The following SORCS2 variants were observed in gnomAD, a reference collection of about 807,000 sequenced individuals.
SORCS2 encodes VPS10 domain-containing receptor SorCS2.
SORCS2 carries 100 observed loss-of-function variants against 141.6 expected under a neutral mutation model. The ratio of observed to expected loss-of-function variants is 0.71; its 90% CI spans 0.60 to 0.83. SORCS2 has a LOEUF of 0.83. SORCS2 is among the 40% of genes least tolerant of loss of function. The pLI is 0.00. For synonymous variants in SORCS2, 789 were observed against 676.9 expected (o/e 1.17, Z -2.57); for missense variants, 1,646 against 1,560.2 (o/e 1.05, Z -0.93).
intron 1 of SORCS2, among the ~76,000 whole-genome samples, chr4:7,222,688 G>A (rs940895496): frequency 1.1e-4 from 17 of 152,152 alleles, no homozygotes; most frequent in African/African-American, 3.6e-4. Context: ...GGGAGGCCAC[G>A]TGCTGTGGTC....
intron 1 of SORCS2, among the ~76,000 whole-genome samples, chr4:7,294,780 TCCCCTCCCTCCTC>T (rs1716867619): frequency 1.5e-4 from 2 of 13,396 alleles, no homozygotes; most frequent in Non-Finnish European, 2.6e-4. Flanking sequence ...CCCCTCCCCC[TCCCCTCCCTCCTC>T]CCCTCCTCCT....
intron 2 of SORCS2, among the ~76,000 whole-genome samples, chr4:7,429,762 C>T (rs956302258): frequency 2.0e-5 from 3 of 152,180 alleles, no homozygotes; most frequent in Non-Finnish European, 2.9e-5. Context: ...TCGTGGGTCG[C>T]GGGTGTGAGG....
intron 3 of SORCS2, among the ~76,000 whole-genome samples, chr4:7,563,033 G>A (rs892390978): frequency 6.6e-6 from 1 of 152,170 alleles, no homozygotes; most frequent in Admixed American, 6.5e-5. Context: ...AACCCAATAT[G>A]CCATGCTTTA....
intron 1 of SORCS2, among the ~76,000 whole-genome samples, chr4:7,303,050 C>T (rs562624077): frequency 2.6e-5 from 4 of 152,248 alleles, no homozygotes; most frequent in South Asian, 2.1e-4. Flanking sequence ...AATGTTAATG[C>T]GGCCAGTGCT....
chr4:7,331,299 G>A (rs1458646079), intron 1 of SORCS2, among the ~76,000 whole-genome samples: 1 of 152,170 alleles, frequency 6.6e-6, no homozygotes, highest in Non-Finnish European at 1.5e-5. Context: ...GGGGTGGTTG[G>A]GGTGCAGGTC....
intron 1 of SORCS2, among the ~76,000 whole-genome samples, chr4:7,329,192 G>A (rs1719485763): frequency 2.0e-5 from 3 of 152,192 alleles, no homozygotes; most frequent in Non-Finnish European, 4.4e-5. Context: ...CTCAGTAGGG[G>A]CTCCGAATGG....
At chr4:7,301,694 A>G (rs1159139535) in intron 1 of SORCS2, among the ~76,000 whole-genome samples, 1 of 152,226 alleles carries the variant, frequency 6.6e-6, no homozygotes, top group Non-Finnish European at 1.5e-5. Context: ...TTGTGGCCCC[A>G]GCAGAAAATG....
chr4:7,640,326 A>T (rs1418205214), intron 4 of SORCS2, among the ~76,000 whole-genome samples: 2 of 130,804 alleles, frequency 1.5e-5, no homozygotes, highest in African/African-American at 3.0e-5. Context: ...GTGTATGAGC[A>T]TGTGTGGGTG....
intron 1 of SORCS2, among the ~76,000 whole-genome samples, chr4:7,290,327 A>G (rs1443840082): frequency 6.6e-6 from 1 of 152,164 alleles, no homozygotes; most frequent in Non-Finnish European, 1.5e-5. Flanking sequence ...TGTGGGCGCC[A>G]CTATCTGTAA....
In SORCS2 at chr4:7,409,602, G is replaced by A. The variant is rs143877785; in HGVS notation, c.548+13247G>A. On this transcript the variant is annotated intron_variant, in intron 2 of 26. Transcript: ENST00000507866. ...TCCCGCCAGAGAACCCAAGATGATG[G>A]GGAAGCTGGTTGTCCACCTCAATCC... Among the ~76,000 whole-genome samples, 872 of 152,288 alleles carry A rather than the reference G, an allele frequency of 5.7e-3. 6 individuals are homozygous for A. Among genetic ancestry groups the A allele is most frequent in the African/African-American group, 0.02 (824 of 41,558 alleles).
intron 1 of SORCS2, among the ~76,000 whole-genome samples, chr4:7,244,278 G>A (rs1712923104): frequency 6.6e-6 from 1 of 152,204 alleles, no homozygotes; most frequent in Admixed American, 6.5e-5. Context: ...TGGGGGGTGA[G>A]TTTCTCCAGC....
At chr4:7,525,928 A>ACACCTGTCTCCTCCTCAGT (rs1733663362) in intron 2 of SORCS2, among the ~76,000 whole-genome samples, 1 of 11,152 alleles carries the variant, frequency 9.0e-5, no homozygotes. Context: ...TCCCCTCCTC[A>ACACCTGTCTCCTCCTCAGT]CACCTGTCCC....
chr4:7,490,851 G>T (rs1467855919), intron 2 of SORCS2, among the ~76,000 whole-genome samples: 1 of 152,112 alleles, frequency 6.6e-6, no homozygotes, highest in African/African-American at 2.4e-5. Flanking sequence ...TTCTCCCTGG[G>T]CACTGCCCTG....
chr4:7,434,149 G>C (rs200558117), intron 2 of SORCS2: 6 of 1,613,826 alleles, frequency 3.7e-6, no homozygotes, highest in African/African-American at 1.3e-5. Context: ...GAGCTCCTGC[G>C]GGGGGAGAAG....
chr4:7,203,545 C>T (rs868373177), intron 1 of SORCS2, among the ~76,000 whole-genome samples: 6 of 140,020 alleles, frequency 4.3e-5, no homozygotes, highest in Admixed American at 7.2e-5. Flanking sequence ...TCTTTAGAGA[C>T]GGAGATTGCA....
intron 12 of SORCS2, among the ~76,000 whole-genome samples, chr4:7,699,113 G>A (rs747906329): frequency 9.9e-5 from 15 of 152,188 alleles, no homozygotes; most frequent in Admixed American, 1.3e-4. Context: ...TTTAAAGCCA[G>A]AAAACATTAC....
At chr4:7,686,146 C>T (rs1268492329) in intron 10 of SORCS2, among the ~76,000 whole-genome samples, 1 of 152,234 alleles carries the variant, frequency 6.6e-6, no homozygotes, top group Non-Finnish European at 1.5e-5. Context: ...TCTGGGGATA[C>T]CTCCTTCCCT....
intron 2 of SORCS2, among the ~76,000 whole-genome samples, chr4:7,425,129 A>G (rs377672614): frequency 1.2e-4 from 18 of 152,310 alleles, no homozygotes; most frequent in African/African-American, 4.1e-4. Context: ...CTCACGACCC[A>G]GAGCCTCAGA....
At position 7,218,717 on chromosome 4, in the gene SORCS2, C is replaced by T. The variant is rs10003000; in HGVS notation, c.480+25591C>T. Among the ~76,000 whole-genome samples, 341 of 152,300 alleles carry T rather than the reference C, an allele frequency of 2.2e-3. 3 individuals carry two copies. The highest frequency in any genetic ancestry group is 8.0e-3 in the African/African-American group (333 of 41,560). On this transcript the variant is annotated intron_variant, in intron 1 of 26. Transcript: ENST00000507866. ...TCTGAAGCCAGTGGGAATTTGAGGGCAAAGGGCAAGAAGGCAACCCTTCAA... is the reference window on the plus strand; with the variant it reads ...TCTGAAGCCAGTGGGAATTTGAGGGTAAAGGGCAAGAAGGCAACCCTTCAA...
Sources: allele counts gnomAD v4.1 joint callset (sites outside exome capture counted in the v4.1 genomes callset), GRCh38; gene constraint gnomAD v4.1.1; transcripts MANE v1.5; gene names NCBI Gene and HGNC (gene_info 2026-07-23, HGNC 2026-07-21).